Variants in SGCZ observed in about 807,000 individuals in gnomAD.
SGCZ encodes zeta-sarcoglycan.
A neutral mutation model predicts 41.3 loss-of-function variants in SGCZ; 40 were observed. That is an observed-to-expected ratio of 0.97 (90% CI 0.75 to 1.26). SGCZ has a LOEUF of 1.26. Ranked by LOEUF, SGCZ falls within the 50% of genes most tolerant of loss-of-function variation. SGCZ has a pLI of 0.00. For missense variants in SGCZ, 552 were observed against 369.8 expected (o/e 1.49, Z -4.04); for synonymous variants, 206 against 137.5 (o/e 1.50, Z -3.49).
intron 2 of SGCZ, among the ~76,000 whole-genome samples, chr8:14,469,115 C>T (rs1048701549): frequency 1.3e-5 from 2 of 152,074 alleles, no homozygotes; most frequent in Admixed American, 6.6e-5. Flanking sequence ...CACCACTTTT[C>T]CTACCCCTCC....
chr8:14,448,416 C>A (rs1454613965), intron 2 of SGCZ, among the ~76,000 whole-genome samples: 5 of 152,176 alleles, frequency 3.3e-5, no homozygotes, highest in Non-Finnish European at 7.3e-5. Context: ...TTAGATAATA[C>A]AAGCCACACT....
intron 2 of SGCZ, among the ~76,000 whole-genome samples, chr8:14,460,225 A>C (rs1439014828): frequency 6.6e-6 from 1 of 152,320 alleles, no homozygotes; most frequent in Non-Finnish European, 1.5e-5. Flanking sequence ...AATATGAGGT[A>C]CTTTTTACTA....
At chr8:14,986,972 T>C (rs745484588) in intron 1 of SGCZ, among the ~76,000 whole-genome samples, 16 of 152,014 alleles carry the variant, frequency 1.1e-4, no homozygotes, top group Non-Finnish European at 2.2e-4. Flanking sequence ...ATGGCTAATT[T>C]ATATATTTTA....
chr8:15,151,742 G>GT (rs1170841529), intron 1 of SGCZ, among the ~76,000 whole-genome samples: 2 of 152,310 alleles, frequency 1.3e-5, no homozygotes, highest in East Asian at 3.9e-4. Context: ...CCTCACAGCA[G>GT]TATCAATAAG....
intron 1 of SGCZ, among the ~76,000 whole-genome samples, chr8:14,594,141 C>T (rs1026297736): frequency 1.4e-4 from 21 of 151,252 alleles, no homozygotes; most frequent in African/African-American, 4.9e-4. Context: ...GGCTATTGCA[C>T]TCCAGCCTGG....
intron 5 of SGCZ, among the ~76,000 whole-genome samples, chr8:14,114,343 T>C (rs1209598116): frequency 1.3e-5 from 2 of 152,038 alleles, no homozygotes; most frequent in African/African-American, 4.8e-5. Flanking sequence ...ATTATCTGAA[T>C]GTATTGAAAC....
chr8:14,900,882 G>A (rs898350450), intron 1 of SGCZ, among the ~76,000 whole-genome samples: 1 of 152,076 alleles, frequency 6.6e-6, no homozygotes, highest in Non-Finnish European at 1.5e-5. Context: ...AAATTAAAAT[G>A]TTTTGATTAA....
intron 1 of SGCZ, among the ~76,000 whole-genome samples, chr8:14,682,570 G>C (rs1808482849): frequency 6.6e-6 from 1 of 151,844 alleles, no homozygotes; most frequent in Non-Finnish European, 1.5e-5. Context: ...GAGTAGCTGG[G>C]ACTACAGGCG....
chr8:14,446,524 C>G (rs1416281024), intron 2 of SGCZ, among the ~76,000 whole-genome samples: 1 of 152,094 alleles, frequency 6.6e-6, no homozygotes, highest in Non-Finnish European at 1.5e-5. Flanking sequence ...AATTCTGATA[C>G]AATATTCAGA....
chr8:14,895,343 T>C lies in SGCZ; in HGVS notation c.40-340417A>G, dbSNP rs1805157356. 3.3e-5 allele frequency among the ~76,000 whole-genome samples: 5 copies of C among 152,090 alleles called. No individual in the cohort carries two copies. In the South Asian group the frequency reaches 1.0e-3, roughly 32 times the overall value. The stretch of plus-strand genomic sequence containing the variant: ...AAATTGAATAGCTGTGAAGATCGAA[T>C]GAGTTAAATAATTAAAGTAACCAGG... On this transcript the variant is annotated intron_variant, in intron 1 of 7. Transcript: ENST00000382080.
At chr8:14,988,522 T>C (rs1294697826) in intron 1 of SGCZ, among the ~76,000 whole-genome samples, 1 of 152,066 alleles carries the variant, frequency 6.6e-6, no homozygotes, top group Non-Finnish European at 1.5e-5. Context: ...AGAATAGTGT[T>C]TTCCTTCCCT....
intron 1 of SGCZ, among the ~76,000 whole-genome samples, chr8:15,157,960 T>G (rs28546546): frequency 0.021 from 3,259 of 152,300 alleles, 59 homozygotes; most frequent in African/African-American, 0.054. Flanking sequence ...GGGCCGCTCT[T>G]GCCCAGTGAC....
intron 5 of SGCZ, among the ~76,000 whole-genome samples, chr8:14,136,200 G>C (rs1198231003): frequency 6.6e-6 from 1 of 152,020 alleles, no homozygotes; most frequent in African/African-American, 2.4e-5. Flanking sequence ...TGGCCGAAAA[G>C]GAAAAACTCC....
At chr8:14,745,818 G>A (rs1031129663) in intron 1 of SGCZ, among the ~76,000 whole-genome samples, 2 of 151,736 alleles carry the variant, frequency 1.3e-5, no homozygotes, top group Non-Finnish European at 2.9e-5. Flanking sequence ...AACCAAGTAG[G>A]GAATTTAGTA....
At chr8:14,211,110 A>G (rs1408756249) in intron 4 of SGCZ, among the ~76,000 whole-genome samples, 3 of 152,262 alleles carry the variant, frequency 2.0e-5, no homozygotes, top group Non-Finnish European at 2.9e-5. Context: ...CTGCCTCCCT[A>G]AAAATGGACC....
chr8:14,360,095 A>G (rs904902182), intron 2 of SGCZ, among the ~76,000 whole-genome samples: 2 of 152,190 alleles, frequency 1.3e-5, no homozygotes, highest in African/African-American at 4.8e-5. Context: ...AAAACTGGGT[A>G]TAGAAGAAAC....
intron 3 of SGCZ, among the ~76,000 whole-genome samples, chr8:14,314,026 G>C (rs948518408): frequency 6.6e-6 from 1 of 151,726 alleles, no homozygotes; most frequent in African/African-American, 2.4e-5. Flanking sequence ...TTAAATTTGA[G>C]GTGATGAAGG....
intron 1 of SGCZ, among the ~76,000 whole-genome samples, chr8:14,937,398 C>T (rs1196686604): frequency 6.6e-6 from 1 of 152,006 alleles, no homozygotes; most frequent in Non-Finnish European, 1.5e-5. Flanking sequence ...TCCCAAAAAG[C>T]ACAGATCCAT....
At chr8:14,584,066 A>G (rs1251354055) in intron 1 of SGCZ, among the ~76,000 whole-genome samples, 1 of 152,084 alleles carries the variant, frequency 6.6e-6, no homozygotes, top group Non-Finnish European at 1.5e-5. Flanking sequence ...TATCTCAGGG[A>G]GCTCAACATT....
Sources: gnomAD v4.1 joint callset for allele counts (sites outside exome capture counted in the v4.1 genomes callset) on GRCh38, gnomAD v4.1.1 for gene constraint, MANE v1.5 for transcripts, NCBI Gene and HGNC (gene_info 2026-07-23, HGNC 2026-07-21) for gene names.